Variants in NXPE2 observed in about 807,000 individuals in gnomAD.
NXPE2 encodes the protein NXPE family member 2.
Under a neutral mutation model 34.4 loss-of-function variants are expected in NXPE2, and 34 were observed. The observed-to-expected ratio is 0.99, with a 90% CI of 0.75 to 1.31. The LOEUF is 1.31. Ranked by LOEUF, NXPE2 falls within the 40% of genes most tolerant of loss-of-function variation. The pLI, the probability that NXPE2 is intolerant of heterozygous loss-of-function variation, is 0.00. For missense variants in NXPE2, 649 were observed against 672.5 expected (o/e 0.97, Z 0.39); for synonymous variants, 235 against 231.3 (o/e 1.02, Z -0.15).
chr11:114,694,598 T>C (rs893502578), intron 2 of NXPE2, among the ~76,000 whole-genome samples: 1 of 152,184 alleles, frequency 6.6e-6, no homozygotes, highest in Non-Finnish European at 1.5e-5. Context: ...ATTGTGTTTG[T>C]CCCATAGTTG....
chr11:114,658,111 A>G, the NXPE2 span, among the ~76,000 whole-genome samples: 810 of 152,322 alleles, frequency 5.3e-3, 3 homozygotes, highest in African/African-American at 0.017. Flanking sequence ...CCCGTCATAA[A>G]AAAGAAAAAT....
the NXPE2 span, chr11:114,530,749 TG>T: frequency 1.6e-5 from 26 of 1,614,116 alleles, no homozygotes; most frequent in East Asian, 4.2e-4. Flanking sequence ...GTGAAAGGTC[TG>T]GGTGGGATCT....
chr11:114,607,255 G>T, the NXPE2 span, among the ~76,000 whole-genome samples: 4 of 151,828 alleles, frequency 2.6e-5, no homozygotes, highest in Non-Finnish European at 4.4e-5. Flanking sequence ...TGGATAATAC[G>T]TGTTGCCTCA....
chr11:114,674,841 C>T (rs74401443), upstream of NXPE2, among the ~76,000 whole-genome samples: 271 of 151,798 alleles, frequency 1.8e-3, 2 homozygotes, highest in East Asian at 0.019. Context: ...CAGACAAGGA[C>T]GCTAGGAGAA....
chr11:114,787,393 C>A, the NXPE2 span, among the ~76,000 whole-genome samples: 3 of 152,222 alleles, frequency 2.0e-5, no homozygotes, highest in East Asian at 5.8e-4. Flanking sequence ...AACGGGGGAG[C>A]ATCACGTTTC....
chr11:114,602,279 T>C, the NXPE2 span, among the ~76,000 whole-genome samples: 1 of 118,196 alleles, frequency 8.5e-6, no homozygotes, highest in African/African-American at 3.4e-5. Context: ...TATTATACTA[T>C]ATATATGTTA....
At chr11:114,729,030 T>C in the NXPE2 span, among the ~76,000 whole-genome samples, 2 of 152,074 alleles carry the variant, frequency 1.3e-5, no homozygotes, top group East Asian at 1.9e-4. Context: ...ATCACCCAGA[T>C]TGAGCATGGT....
the NXPE2 span, among the ~76,000 whole-genome samples, chr11:114,588,417 C>A: frequency 6.6e-6 from 1 of 152,178 alleles, no homozygotes; most frequent in Non-Finnish European, 1.5e-5. Context: ...AGGTGTCTAA[C>A]CTCTCATGGA....
the NXPE2 span, among the ~76,000 whole-genome samples, chr11:114,769,818 G>T: frequency 4.6e-5 from 7 of 152,068 alleles, no homozygotes; most frequent in African/African-American, 1.2e-4. Context: ...TGTCGGGTTG[G>T]GGGGCTAGGG....
chr11:114,797,354 G>T, the NXPE2 span, among the ~76,000 whole-genome samples: 125,293 of 152,154 alleles, frequency 0.82, 52,028 homozygotes, highest in Non-Finnish European at 0.88. Context: ...GTGGCCTACC[G>T]TGTCTCTTTT....
the NXPE2 span, among the ~76,000 whole-genome samples, chr11:114,466,298 A>G: frequency 2.0e-5 from 3 of 152,126 alleles, no homozygotes; most frequent in African/African-American, 7.2e-5. Flanking sequence ...TACAGTCTTG[A>G]TTTTAATATC....
chr11:114,477,606 T>C, the NXPE2 span, among the ~76,000 whole-genome samples: 356 of 152,210 alleles, frequency 2.3e-3, 3 homozygotes, highest in Admixed American at 3.5e-3. Context: ...AGTGTATGAA[T>C]AGTATACTAA....
At chr11:114,656,353 C>A in the NXPE2 span, among the ~76,000 whole-genome samples, 1 of 152,066 alleles carries the variant, frequency 6.6e-6, no homozygotes, top group African/African-American at 2.4e-5. Flanking sequence ...GACCATACTG[C>A]CCAAAGTAAT....
chr11:114,694,363 C>A (rs1316922622), intron 2 of NXPE2, among the ~76,000 whole-genome samples: 4 of 152,108 alleles, frequency 2.6e-5, no homozygotes, highest in African/African-American at 4.8e-5. Flanking sequence ...TGGCTTGTAT[C>A]ATAATTTTAG....
At chr11:114,753,949 G>A in the NXPE2 span, among the ~76,000 whole-genome samples, 5 of 152,036 alleles carry the variant, frequency 3.3e-5, no homozygotes, top group African/African-American at 1.2e-4. Context: ...AAGATGCAAA[G>A]TACTGTAGCA....
chr11:114,549,900 A>G, the NXPE2 span, among the ~76,000 whole-genome samples: 1 of 152,068 alleles, frequency 6.6e-6, no homozygotes, highest in Non-Finnish European at 1.5e-5. Flanking sequence ...TAATATATAA[A>G]AAAATAGCTT....
the NXPE2 span, among the ~76,000 whole-genome samples, chr11:114,751,762 C>G: frequency 1.3e-5 from 2 of 152,124 alleles, no homozygotes; most frequent in African/African-American, 4.8e-5. Context: ...GTGACCAAAT[C>G]TTGGTCACTT....
chr11:114,787,561 T>G, the NXPE2 span, among the ~76,000 whole-genome samples: 1 of 152,180 alleles, frequency 6.6e-6, no homozygotes, highest in East Asian at 1.9e-4. Context: ...GATCCCAGTA[T>G]ATTTACTGAG....
At chr11:114,617,253 C>A in the NXPE2 span, among the ~76,000 whole-genome samples, 1 of 151,806 alleles carries the variant, frequency 6.6e-6, no homozygotes, top group African/African-American at 2.4e-5. Flanking sequence ...ACCACTGTTA[C>A]CTGGTGGATG....
Sources: gnomAD v4.1 joint callset for allele counts (sites outside exome capture counted in the v4.1 genomes callset) on GRCh38, gnomAD v4.1.1 for gene constraint, MANE v1.5 for transcripts, NCBI Gene and HGNC (gene_info 2026-07-23, HGNC 2026-07-21) for gene names.